GATM: variants seen among roughly 807,000 people sequenced by gnomAD.
GATM encodes glycine amidinotransferase, mitochondrial.
Under a neutral mutation model 54.2 loss-of-function variants are expected in GATM, and 23 were observed. The observed-to-expected ratio is 0.42, with a 90% CI of 0.31 to 0.60. The LOEUF is 0.60. Ranked by LOEUF, GATM falls within the 20% of genes least tolerant of loss-of-function variation. GATM has a pLI of 0.14. For missense variants in GATM, 401 were observed against 544.9 expected (o/e 0.74, Z 2.63); for synonymous variants, 168 against 183.1 (o/e 0.92, Z 0.67).
chr15:45,379,494 T>C (rs1889704656), upstream of GATM: 1 of 152,182 alleles, frequency 6.6e-6, no homozygotes. Context: ...GCAGATGGCA[T>C]GGTGGAAAGA....
intron 2 of GATM, among the ~76,000 whole-genome samples, chr15:45,373,946 T>C (rs1330973580): frequency 6.6e-6 from 1 of 152,236 alleles, no homozygotes; most frequent in African/African-American, 2.4e-5. Flanking sequence ...CTAATGTTAC[T>C]GATATCTACA....
chr15:45,391,270 GGCATGGTGGC>G (rs147828835), intron 3 of GATM, among the ~76,000 whole-genome samples: 20,361 of 151,046 alleles, frequency 0.13, 4,609 homozygotes, highest in African/African-American at 0.47. Context: ...AAAAAAGCTG[GGCATGGTGGC>G]ACATGTCTAT....
chr15:45,374,799 A>G (rs1333461236), intron 2 of GATM, among the ~76,000 whole-genome samples: 1 of 152,246 alleles, frequency 6.6e-6, no homozygotes, highest in East Asian at 1.9e-4. Flanking sequence ...GCCCTGGTAC[A>G]TGGTAGGCAA....
intron 2 of GATM, among the ~76,000 whole-genome samples, chr15:45,398,324 C>A (rs1305975613): frequency 6.6e-6 from 1 of 152,168 alleles, no homozygotes. Context: ...TTAACATTAA[C>A]TTCTAAAAAA....
chr15:45,369,591 G>C (rs1471742958), intron 2 of GATM, 70 bp from the exon 3 acceptor site: 1 of 1,319,284 alleles, frequency 7.6e-7, no homozygotes, highest in Non-Finnish European at 1.1e-6. Flanking sequence ...TTCATAGGCA[G>C]TAAACAGCTC....
intron 1 of GATM, chr15:45,377,815 G>C (rs1295485409): frequency 6.5e-6 from 1 of 154,886 alleles, no homozygotes; most frequent in African/African-American, 2.4e-5. Flanking sequence ...GGCTGCACTC[G>C]CCCCGACTCC....
At chr15:45,392,621 G>GT (rs1455488882) in intron 3 of GATM, among the ~76,000 whole-genome samples, 1 of 152,170 alleles carries the variant, frequency 6.6e-6, no homozygotes, top group Non-Finnish European at 1.5e-5. Context: ...GTTTTTTTAT[G>GT]TATCACCAGG....
rs1376426702 is a variant in GATM at position 45,361,762 on chromosome 15, A to G, written c.*347T>C. ...GGAAAAAAAATTAAGATTAGGACCA[A>G]CATTTCAAGCTGCCTTTTGGAAAGA... On this transcript the variant is annotated 3_prime_UTR_variant, in exon 9 of 9. Coordinates refer to ENST00000396659, the MANE Select transcript of GATM (RefSeq NM_001482.3). 4.0e-6 allele frequency: 2 copies of G among 494,336 alleles called. No individual in the cohort carries two copies. Among genetic ancestry groups the G allele is most frequent in the Non-Finnish European group, 7.1e-6 (2 of 283,678 alleles). 30.6% of individuals were successfully genotyped at this position (494,336 alleles called of 1,614,324 possible).
chr15:45,364,966 C>T, intron 6 of GATM, 106 bp from the exon 7 acceptor site: 1 of 873,402 alleles, frequency 1.1e-6, no homozygotes, highest in East Asian at 2.6e-5. Context: ...GAGAAGCTGT[C>T]TTCTCAGCTT....
Position 45,363,915 on chromosome 15 carries a change from T to A in GATM, c.1144A>T (p.Met382Leu). The A allele has an allele frequency of 6.2e-7, 1 of 1,605,912 alleles. No homozygotes were observed. The highest frequency in any genetic ancestry group is 8.5e-7 in the Non-Finnish European group (1 of 1,172,856). ...VDANEVPIQK[M>L]FEKLGITTIK... ...TTGTACATACCCAGCTTTTCAAACATCTTTTGAATTGGAACTTCATTGGCA... is the reference window on the plus strand; with the variant it reads ...TTGTACATACCCAGCTTTTCAAACAACTTTTGAATTGGAACTTCATTGGCA... Residue 382 changes from methionine (M) to leucine (L), a missense_variant, in exon 8 of 9, where the codon ATG becomes TTG. Physicochemically the swap from Met to Leu is conservative, Grantham distance 15 (BLOSUM62 2). Around this residue, in one of 3 missense-constraint regions of GATM, gnomAD observed 321 missense variants for 457.5 expected, o/e 0.70. Coordinates refer to ENST00000396659, the MANE Select transcript of GATM (RefSeq NM_001482.3).
upstream of GATM, among the ~76,000 whole-genome samples, chr15:45,381,629 A>G (rs192687628): frequency 2.6e-4 from 40 of 152,376 alleles, no homozygotes; most frequent in East Asian, 7.0e-3. Context: ...AGAACTTAAG[A>G]ATACAGATAC....
chr15:45,377,247 T>C, intron 1 of GATM: 1 of 485,132 alleles, frequency 2.1e-6, no homozygotes, highest in South Asian at 1.5e-5. Flanking sequence ...CCCTTAAGTA[T>C]CAAAGGTTAC....
chr15:45,374,570 G>A (rs1889596028), intron 2 of GATM, among the ~76,000 whole-genome samples: 1 of 152,168 alleles, frequency 6.6e-6, no homozygotes, highest in Non-Finnish European at 1.5e-5. Context: ...AGAACAATTA[G>A]AAGTTATTAC....
rs768171759 is a variant in GATM at position 45,362,150 on chromosome 15, C to T, written c.1231G>A (p.Asp411Asn). ...TGTAAGGTGCCTCGGCGCCGGACAT[C>T]GCAGGTCCAGCAATGGAAGCCTCCT... Reference protein sequence around the residue: ...LGGGFHCWTCDVRRRGTLQSY... With the variant: ...LGGGFHCWTCNVRRRGTLQSY... The change falls in exon 9 of 9, where the codon GAT becomes AAT. Residue 411 changes from aspartate to asparagine, a missense_variant. By Grantham distance (23) the Asp-to-Asn change is conservative. Coordinates refer to ENST00000396659, the MANE Select transcript of GATM (RefSeq NM_001482.3). 90 of 1,613,710 alleles carry T rather than the reference C, an allele frequency of 5.6e-5. No homozygotes were observed. Among genetic ancestry groups the T allele is most frequent in the Non-Finnish European group, 7.3e-5 (86 of 1,179,782 alleles).
chr15:45,396,516 T>G (rs1889932853), intron 3 of GATM, among the ~76,000 whole-genome samples: 1 of 152,084 alleles, frequency 6.6e-6, no homozygotes, highest in Admixed American at 6.6e-5. Flanking sequence ...AAAGAGTAGA[T>G]GAATGTTTAG....
chr15:45,376,269 T>C (rs563015719), intron 2 of GATM, among the ~76,000 whole-genome samples: 66 of 152,210 alleles, frequency 4.3e-4, no homozygotes, highest in Middle Eastern at 3.4e-3. Flanking sequence ...GCGGTAGCTG[T>C]GAGAATGGCT....
upstream of GATM, among the ~76,000 whole-genome samples, chr15:45,383,339 C>T (rs1170078320): frequency 6.6e-6 from 1 of 152,244 alleles, no homozygotes; most frequent in Non-Finnish European, 1.5e-5. Flanking sequence ...AACTGCAAAA[C>T]ACTAGCTCCA....
chr15:45,387,021 G>C (rs955035794), intron 3 of GATM, among the ~76,000 whole-genome samples: 9 of 152,120 alleles, frequency 5.9e-5, no homozygotes, highest in African/African-American at 2.2e-4. Context: ...AACTGAATAC[G>C]AAGACCATAT....
In GATM at chr15:45,368,371, G is replaced by C; in HGVS notation, c.485-111C>G. The C allele has an allele frequency of 1.1e-6, 1 of 905,514 alleles. No individual in the cohort carries two copies. The highest frequency in any genetic ancestry group is 2.0e-5 in the Admixed American group (1 of 50,532). The allele number at this position is 905,514 out of a possible 1,614,324, so 56.1% of individuals were successfully genotyped here. Reference sequence around the variant, plus strand: ...TCATGCCTGTAATCCCACCACTTTGGGAGGCCAAGACGGGCGGATCACTTG... The same window carrying C: ...TCATGCCTGTAATCCCACCACTTTGCGAGGCCAAGACGGGCGGATCACTTG... On this transcript the variant is annotated intron_variant, in intron 3 of 8. Coordinates refer to ENST00000396659, the MANE Select transcript of GATM (RefSeq NM_001482.3). This position sits in a 1 kb window ranked among gnomAD's most constrained non-coding sequence, Gnocchi z 5.1.
Sources: gnomAD v4.1 joint callset for allele counts (sites outside exome capture counted in the v4.1 genomes callset) on GRCh38, gnomAD v4.1.1 for gene constraint, gnomAD v4.1.1 regional missense constraint, Gnocchi (gnomAD v3.1) non-coding constraint, MANE v1.5 for transcripts, NCBI Gene and HGNC (gene_info 2026-07-23, HGNC 2026-07-21) for gene names.